The following CNTN5 variants were observed in gnomAD, a reference collection of about 807,000 sequenced individuals.
CNTN5 encodes the protein contactin 5.
CNTN5 carries 77 observed loss-of-function variants against 129.1 expected under a neutral mutation model. The observed-to-expected ratio is 0.60, with a 90% CI of 0.50 to 0.72. The LOEUF (loss-of-function observed/expected upper bound fraction) is 0.72, where lower values mean the gene tolerates loss of function less well. Among genes scored for constraint, CNTN5 ranks in the 30% least tolerant of loss-of-function variants. CNTN5 has a pLI of 0.00. For synonymous variants in CNTN5, 509 were observed against 465.6 expected (o/e 1.09, Z -1.20); for missense variants, 1,478 against 1,328.8 (o/e 1.11, Z -1.75).
intron 6 of CNTN5, among the ~76,000 whole-genome samples, chr11:99,901,420 AG>A (rs1438209030): frequency 1.3e-5 from 2 of 152,002 alleles, no homozygotes; most frequent in Non-Finnish European, 2.9e-5. Context: ...TCTCTCAAGT[AG>A]CTAGGATTAC....
At chr11:99,226,214 G>T (rs900470240) in intron 1 of CNTN5, among the ~76,000 whole-genome samples, 4 of 152,124 alleles carry the variant, frequency 2.6e-5, no homozygotes, top group Non-Finnish European at 4.4e-5. Context: ...ATCTATGAAA[G>T]AATTTTAGTC....
chr11:99,744,253 C>A (rs1238209160), intron 3 of CNTN5, among the ~76,000 whole-genome samples: 4 of 151,906 alleles, frequency 2.6e-5, no homozygotes, highest in South Asian at 4.1e-4. Context: ...AGAGGAGAGA[C>A]AAGTATTAAC....
At chr11:99,515,713 T>G (rs1947021910) in intron 2 of CNTN5, among the ~76,000 whole-genome samples, 1 of 152,044 alleles carries the variant, frequency 6.6e-6, no homozygotes, top group Admixed American at 6.6e-5. Context: ...CATTAAACCA[T>G]AAATGCATGT....
chr11:100,045,883 C>T (rs1411256844), intron 9 of CNTN5, among the ~76,000 whole-genome samples: 2 of 152,064 alleles, frequency 1.3e-5, no homozygotes, highest in African/African-American at 2.4e-5. Context: ...AAAAGGATGA[C>T]AGTTATCTCT....
intron 7 of CNTN5, among the ~76,000 whole-genome samples, chr11:99,936,096 G>C (rs1263111593): frequency 6.6e-6 from 1 of 152,106 alleles, no homozygotes; most frequent in Non-Finnish European, 1.5e-5. Flanking sequence ...CAAAGCAGAA[G>C]GGCTCCAAGA....
intron 1 of CNTN5, among the ~76,000 whole-genome samples, chr11:99,277,812 C>T (rs575756174): frequency 2.0e-5 from 3 of 151,616 alleles, no homozygotes; most frequent in South Asian, 2.1e-4. Flanking sequence ...TTAAGAACTA[C>T]GATAGATAAA....
chr11:100,207,993 C>A (rs1469295026), intron 15 of CNTN5, among the ~76,000 whole-genome samples: 1 of 152,038 alleles, frequency 6.6e-6, no homozygotes, highest in Non-Finnish European at 1.5e-5. Context: ...AGTCTCATAC[C>A]AAAATTCTGA....
rs1180168362 is a variant in CNTN5 at position 100,252,910 on chromosome 11, C to T, written c.2006-2850C>T. Among the ~76,000 whole-genome samples the T allele has an allele frequency of 2.6e-5, 4 of 152,130 alleles. No homozygotes were observed. The East Asian group carries it at 5.8e-4, about 22-fold the overall frequency. On this transcript the variant is annotated intron_variant, in intron 16 of 24. Transcript: ENST00000524871. ...GTAAAGATGCAAAGCTTAACCTCAA[C>T]TCAAAATTCACACACAGTCATTTCT...
chr11:100,119,048 A>C (rs1420242690), intron 13 of CNTN5, among the ~76,000 whole-genome samples: 1 of 151,698 alleles, frequency 6.6e-6, no homozygotes, highest in Non-Finnish European at 1.5e-5. Flanking sequence ...GGTTCAAAAA[A>C]AAAACAAAAA....
chr11:100,046,793 A>C (rs575827564), intron 9 of CNTN5, among the ~76,000 whole-genome samples: 1 of 152,226 alleles, frequency 6.6e-6, no homozygotes, highest in Non-Finnish European at 1.5e-5. Context: ...AAAAATGAAT[A>C]AAATATATGG....
At chr11:99,983,737 A>G (rs947776605) in intron 8 of CNTN5, among the ~76,000 whole-genome samples, 1 of 152,184 alleles carries the variant, frequency 6.6e-6, no homozygotes, top group Non-Finnish European at 1.5e-5. Flanking sequence ...TTTTATTATG[A>G]TGAGTGGGTA....
intron 2 of CNTN5, among the ~76,000 whole-genome samples, chr11:99,360,924 C>A (rs1415889677): frequency 2.6e-5 from 4 of 152,130 alleles, no homozygotes; most frequent in Non-Finnish European, 5.9e-5. Flanking sequence ...GATAAGCAGT[C>A]AAGAGAAGAC....
Position 99,906,998 on chromosome 11 carries a change from AT to A in CNTN5, c.578-9053del, listed in dbSNP as rs1949525965. ...CACTTTGCCATTTTTTATTGTGTCT[AT>A]TTGATTCTTCTCTCTTTTCTTCTTT... is the stretch of plus-strand genomic sequence containing the variant. On this transcript the variant is annotated intron_variant, in intron 6 of 24. Transcript: ENST00000524871. Among the ~76,000 whole-genome samples the A allele has an allele frequency of 2.0e-5, 3 of 151,732 alleles. No individual in the cohort carries two copies. In the South Asian group the frequency reaches 6.2e-4, roughly 32 times the overall value.
rs78520321 is a variant in CNTN5 at position 100,094,001 on chromosome 11, C to T, written c.1580+19707C>T. On this transcript the variant is annotated intron_variant, in intron 13 of 24. Transcript: ENST00000524871. Reference sequence around the variant, plus strand: ...TTATGCAGGTTATTCATAACTGTGTCGGATCCTTTTGTTTACCTGAAACCA... The same window carrying T: ...TTATGCAGGTTATTCATAACTGTGTTGGATCCTTTTGTTTACCTGAAACCA... 7.5e-3 allele frequency among the ~76,000 whole-genome samples: 1,141 copies of T among 152,126 alleles called. 12 individuals carry two copies. Among genetic ancestry groups the T allele is most frequent in the African/African-American group, 0.024 (1,007 of 41,508 alleles).
chr11:100,347,079 G>A (rs1952296909), intron 23 of CNTN5, among the ~76,000 whole-genome samples: 3 of 152,050 alleles, frequency 2.0e-5, no homozygotes, highest in Admixed American at 2.0e-4. Flanking sequence ...GGGCATTGTG[G>A]GAACTACAAT....
chr11:99,494,585 T>C (rs1946156534), intron 2 of CNTN5, among the ~76,000 whole-genome samples: 1 of 152,160 alleles, frequency 6.6e-6, no homozygotes, highest in Non-Finnish European at 1.5e-5. Flanking sequence ...GGAAAAAAAG[T>C]CTACTCTGGA....
chr11:99,114,873 T>C (rs994819826), intron 1 of CNTN5, among the ~76,000 whole-genome samples: 1 of 152,168 alleles, frequency 6.6e-6, no homozygotes, highest in Non-Finnish European at 1.5e-5. Flanking sequence ...CCCTGAAACG[T>C]ATATGTTAAG....
intron 9 of CNTN5, among the ~76,000 whole-genome samples, chr11:100,036,734 T>TGAA (rs1565811670): frequency 6.7e-6 from 1 of 149,760 alleles, no homozygotes; most frequent in Non-Finnish European, 1.5e-5. Context: ...GAAGCAATTG[T>TGAA]GAATGGGAGT....
chr11:99,131,258 A>AAAAAAAAG (rs1156259339), intron 1 of CNTN5, among the ~76,000 whole-genome samples: 12 of 148,600 alleles, frequency 8.1e-5, no homozygotes, highest in East Asian at 5.9e-4. Context: ...AGAAAAAAAA[A>AAAAAAAAG]AAAAAAGAAA....
Sources: gnomAD v4.1 joint callset for allele counts (sites outside exome capture counted in the v4.1 genomes callset) on GRCh38, gnomAD v4.1.1 for gene constraint, MANE v1.5 for transcripts, NCBI Gene and HGNC (gene_info 2026-07-23, HGNC 2026-07-21) for gene names.